Variants in TES observed in about 807,000 individuals in gnomAD.
TES encodes testin.
Under a neutral mutation model 48.2 loss-of-function variants are expected in TES, and 41 were observed. The ratio of observed to expected loss-of-function variants is 0.85; its 90% CI spans 0.66 to 1.10. TES has a LOEUF of 1.10. Among genes scored for constraint, TES ranks in the 50% least tolerant of loss-of-function variants. The pLI is 0.00. For missense variants in TES, 463 were observed against 515.1 expected, an observed-to-expected ratio of 0.90 and a Z score of 0.98; for synonymous variants, 162 against 174.9, an observed-to-expected ratio of 0.93 and a Z score of 0.58.
At chr7:116,238,671 G>C (rs1048936546) in intron 2 of TES, among the ~76,000 whole-genome samples, 2 of 151,448 alleles carry the variant, frequency 1.3e-5, no homozygotes, top group African/African-American at 4.9e-5. Context: ...GTGCGATCTC[G>C]GCTCACTGCA....
At chr7:116,238,585 C>CATTATTATTATTATT (rs375782060) in intron 2 of TES, among the ~76,000 whole-genome samples, 15,087 of 129,244 alleles carry the variant, frequency 0.12, 837 homozygotes, top group East Asian at 0.28. Flanking sequence ...CAACATCCAT[C>CATTATTATTATTATT]ATTATTATTA....
chr7:116,220,140 T>G (rs1799539999), intron 1 of TES, among the ~76,000 whole-genome samples: 1 of 152,180 alleles, frequency 6.6e-6, no homozygotes, highest in South Asian at 2.1e-4. Flanking sequence ...AAATATATTC[T>G]GTGAACATTC....
At chr7:116,218,614 G>A (rs1254553153) in intron 1 of TES, among the ~76,000 whole-genome samples, 1 of 152,076 alleles carries the variant, frequency 6.6e-6, no homozygotes, top group Non-Finnish European at 1.5e-5. Context: ...TAAAAGTGCA[G>A]TTTAGATTTA....
intron 1 of TES, among the ~76,000 whole-genome samples, chr7:116,229,371 G>A (rs1002694217): frequency 1.3e-5 from 2 of 152,134 alleles, no homozygotes; most frequent in Non-Finnish European, 2.9e-5. Flanking sequence ...AGAACACTAA[G>A]GAGAAGGTGT....
intron 1 of TES, among the ~76,000 whole-genome samples, chr7:116,226,300 A>G (rs1881287): frequency 0.33 from 50,802 of 152,128 alleles, 8,923 homozygotes; most frequent in East Asian, 0.57. Context: ...CACAATCATA[A>G]TATAGTAAGG....
Position 116,219,108 on chromosome 7 carries a change from G to T in TES, c.27+8374G>T, listed in dbSNP as rs183577865. On this transcript the variant is annotated intron_variant, in intron 1 of 6. Coordinates refer to ENST00000358204, the MANE Select transcript of TES (RefSeq NM_015641.4). ...AGAAGTAACTAACTTTAATTGTGTG[G>T]GTTGCGATTATTTTATCAAGGAAAC... Among the ~76,000 whole-genome samples, 662 of 152,120 alleles carry T rather than the reference G, an allele frequency of 4.4e-3. 1 individual carries two copies. Among genetic ancestry groups the T allele is most frequent in the African/African-American group, 0.015 (639 of 41,510 alleles).
intron 6 of TES, chr7:116,252,762 T>A: frequency 2.4e-6 from 1 of 422,610 alleles, no homozygotes; most frequent in South Asian, 2.3e-5. Context: ...TGAGATTGTT[T>A]TATTTTCATG....
chr7:116,257,540 T>G lies in TES; in HGVS notation c.*58T>G. 1 of 1,248,874 alleles carries G rather than the reference T, an allele frequency of 8.0e-7. No individual in the cohort carries two copies. Among genetic ancestry groups the G allele is most frequent in the Non-Finnish European group, 1.0e-6 (1 of 960,800 alleles). The allele number at this position is 1,248,874 out of a possible 1,614,324, so 77.4% of individuals were successfully genotyped here. ...TATCCAAAGTGGTCTGCATTTCTACTGTAAAATGCAATTTGAAAAAAATAA... is the reference window on the plus strand; with the variant it reads ...TATCCAAAGTGGTCTGCATTTCTACGGTAAAATGCAATTTGAAAAAAATAA... On this transcript the variant is annotated 3_prime_UTR_variant, in exon 7 of 7. Coordinates refer to ENST00000358204, the MANE Select transcript of TES (RefSeq NM_015641.4).
At chr7:116,251,258 G>A (rs1220113473) in intron 4 of TES, among the ~76,000 whole-genome samples, 1 of 152,212 alleles carries the variant, frequency 6.6e-6, no homozygotes, top group Non-Finnish European at 1.5e-5. Context: ...GAATAGCCGG[G>A]AGAAAGCTGA....
rs1024226352 is a variant in TES, at chr7:116,211,617, A to T, written c.27+883A>T. 2.6e-5 allele frequency: 4 copies of T among 152,264 alleles called. 1 individual carries two copies. In the South Asian group the frequency reaches 8.3e-4, roughly 31 times the overall value. The allele number at this position is 152,264 out of a possible 1,614,324, so 9.4% of individuals were successfully genotyped here. On this transcript the variant is annotated intron_variant, in intron 1 of 6. Transcript: ENST00000358204. The stretch of plus-strand genomic sequence containing the variant: ...TCTCCTCGTTCCAGGGGATTTGCTC[A>T]TGTTTTACTTTGTGGTAAATTTAAG...
At chr7:116,225,446 A>G (rs1301284577) in intron 1 of TES, among the ~76,000 whole-genome samples, 2 of 152,316 alleles carry the variant, frequency 1.3e-5, no homozygotes, top group African/African-American at 4.8e-5. Context: ...TTAAAGTCCC[A>G]GAAAACTTGA....
intron 1 of TES, among the ~76,000 whole-genome samples, chr7:116,216,858 A>G (rs1042565638): frequency 1.3e-5 from 2 of 152,070 alleles, no homozygotes; most frequent in East Asian, 3.8e-4. Flanking sequence ...TTACCTTGGT[A>G]TTTAATTATG....
At chr7:116,254,349 C>G (rs17138486) in intron 6 of TES, among the ~76,000 whole-genome samples, 49,485 of 151,864 alleles carry the variant, frequency 0.33, 8,374 homozygotes, top group East Asian at 0.57. Context: ...ACAAGCTTCT[C>G]TGTATTACAT....
intron 1 of TES, among the ~76,000 whole-genome samples, chr7:116,225,537 A>T (rs566331073): frequency 1.3e-5 from 2 of 152,220 alleles, no homozygotes; most frequent in Non-Finnish European, 2.9e-5. Flanking sequence ...CTAACATAAT[A>T]GTCTATGTGA....
At chr7:116,224,347 G>C (rs1200864723) in intron 1 of TES, among the ~76,000 whole-genome samples, 1 of 152,148 alleles carries the variant, frequency 6.6e-6, no homozygotes, top group African/African-American at 2.4e-5. Flanking sequence ...GTTCCATTAT[G>C]AATCTAGAAA....
intron 3 of TES, 125 bp from the exon 4 acceptor site, chr7:116,250,036 G>T: frequency 1.6e-6 from 1 of 642,148 alleles, no homozygotes. Flanking sequence ...TATACTGTGA[G>T]GGTGAGTTGC....
intron 1 of TES, chr7:116,217,837 T>C (rs1246451763): frequency 9.7e-6 from 5 of 516,840 alleles, no homozygotes; most frequent in Admixed American, 5.9e-5. Flanking sequence ...AGCTGCCATT[T>C]AGCATGGTTT....
intron 2 of TES, among the ~76,000 whole-genome samples, chr7:116,248,538 G>C (rs1799958686): frequency 6.6e-6 from 1 of 152,142 alleles, no homozygotes; most frequent in South Asian, 2.1e-4. Context: ...TTAATGATTA[G>C]TGATATTGAG....
intron 6 of TES, among the ~76,000 whole-genome samples, chr7:116,254,463 T>C (rs888752559): frequency 6.6e-5 from 10 of 152,252 alleles, no homozygotes; most frequent in Admixed American, 1.3e-4. Context: ...TGGCCAGGCA[T>C]GGTGGCTCAC....
Sources: gnomAD v4.1 joint callset for allele counts (sites outside exome capture counted in the v4.1 genomes callset) on GRCh38, gnomAD v4.1.1 for gene constraint, MANE v1.5 for transcripts, NCBI Gene and HGNC (gene_info 2026-07-23, HGNC 2026-07-21) for gene names.